Variants in GALNT17 observed in about 807,000 individuals in gnomAD.
GALNT17 encodes the protein UDP-GalNAc:polypeptide N-acetylgalactosaminyltransferase-like 3.
In GALNT17, 29 loss-of-function variants were observed where a neutral mutation model predicts 63.7. The ratio of observed to expected loss-of-function variants is 0.46; its 90% CI spans 0.34 to 0.62. The LOEUF is 0.62. GALNT17 is among the 20% of genes least tolerant of loss of function. GALNT17 has a pLI of 0.01. For synonymous variants in GALNT17, 305 were observed against 318.3 expected, an observed-to-expected ratio of 0.96 and a Z score of 0.45; for missense variants, 603 against 799.6, an observed-to-expected ratio of 0.75 and a Z score of 2.97.
intron 3 of GALNT17, among the ~76,000 whole-genome samples, chr7:71,402,749 T>A (rs1368728468): frequency 6.7e-6 from 1 of 149,684 alleles, no homozygotes; most frequent in Non-Finnish European, 1.5e-5. Flanking sequence ...TTTGGAGAAG[T>A]CACACTGGCA....
intron 5 of GALNT17, among the ~76,000 whole-genome samples, chr7:71,497,040 T>C (rs1270596021): frequency 1.3e-5 from 2 of 152,170 alleles, no homozygotes; most frequent in African/African-American, 4.8e-5. Context: ...ATCAAGCCAC[T>C]GGTGACACAG....
intron 1 of GALNT17, among the ~76,000 whole-genome samples, chr7:71,303,614 A>G (rs1012181064): frequency 5.9e-5 from 9 of 152,206 alleles, no homozygotes; most frequent in African/African-American, 2.2e-4. Flanking sequence ...TTTTTGTTTA[A>G]TACAGTGATT....
intron 6 of GALNT17, among the ~76,000 whole-genome samples, chr7:71,651,381 C>T (rs748953759): frequency 1.1e-4 from 16 of 151,538 alleles, no homozygotes; most frequent in Admixed American, 3.3e-4. Context: ...CGGCTCACTG[C>T]AACCTCTGCC....
At chr7:71,484,693 A>C (rs1787880444) in intron 5 of GALNT17, among the ~76,000 whole-genome samples, 2 of 151,926 alleles carry the variant, frequency 1.3e-5, no homozygotes, top group South Asian at 4.1e-4. Context: ...ATCTGTCATT[A>C]ACCCAAACTT....
intron 5 of GALNT17, among the ~76,000 whole-genome samples, chr7:71,542,318 T>G (rs1482267365): frequency 6.6e-6 from 1 of 152,134 alleles, no homozygotes; most frequent in Non-Finnish European, 1.5e-5. Context: ...AAGTATTAAC[T>G]GTTGCATTTA....
At chr7:71,329,491 A>G (rs1252624642) in intron 1 of GALNT17, among the ~76,000 whole-genome samples, 2 of 152,098 alleles carry the variant, frequency 1.3e-5, no homozygotes, top group Non-Finnish European at 2.9e-5. Context: ...TCCTACTGCT[A>G]TTAAAAACTA....
At chr7:71,701,774 T>C (rs1236562333) in intron 9 of GALNT17, among the ~76,000 whole-genome samples, 6 of 102,892 alleles carry the variant, frequency 5.8e-5, no homozygotes, top group Non-Finnish European at 7.3e-5. Flanking sequence ...TGTATATATA[T>C]GTGTGTGTGT....
chr7:71,677,446 A>G (rs541440120), intron 9 of GALNT17, 140 bp downstream of exon 9: 4 of 763,696 alleles, frequency 5.2e-6, no homozygotes, highest in South Asian at 1.8e-5. Flanking sequence ...AGAAGAAGGT[A>G]GGAGTCTTTC....
chr7:71,180,219 G>A (rs907019509), intron 1 of GALNT17, among the ~76,000 whole-genome samples: 5 of 151,804 alleles, frequency 3.3e-5, no homozygotes, highest in African/African-American at 1.2e-4. Context: ...TCTGCCTCCC[G>A]GGTTCAGTCG....
At chr7:71,521,477 A>T (rs1189281656) in intron 5 of GALNT17, among the ~76,000 whole-genome samples, 2 of 152,178 alleles carry the variant, frequency 1.3e-5, no homozygotes, top group African/African-American at 2.4e-5. Flanking sequence ...CTTTGTATTA[A>T]CTATTGCAAT....
At chr7:71,162,107 TCCTCCCTC>T (rs1246321851) in intron 1 of GALNT17, among the ~76,000 whole-genome samples, 1 of 73,382 alleles carries the variant, frequency 1.4e-5, no homozygotes, top group Non-Finnish European at 2.4e-5. Context: ...CTCCCTTCCT[TCCTCCCTC>T]CCTCCCTCCC....
intron 5 of GALNT17, among the ~76,000 whole-genome samples, chr7:71,456,551 A>C (rs1372336346): frequency 6.6e-6 from 1 of 152,006 alleles, no homozygotes; most frequent in Non-Finnish European, 1.5e-5. Flanking sequence ...CCCTGTCTCT[A>C]CTAAAAATAC....
intron 1 of GALNT17, among the ~76,000 whole-genome samples, chr7:71,164,904 C>G (rs1788409684): frequency 1.3e-5 from 2 of 152,154 alleles, no homozygotes; most frequent in African/African-American, 4.8e-5. Context: ...TTGAAGTCAT[C>G]TTCTCTAAGA....
rs964696973 is a variant in GALNT17 at position 71,428,329 on chromosome 7, T to A, written c.962+7224T>A. ...ATTTGCCTATTTTGGACATTTCATA[T>A]AAGTGGAGTCCTGCAGAATGTGGCT... is the stretch of plus-strand genomic sequence containing the variant. On this transcript the variant is annotated intron_variant, in intron 5 of 10. Coordinates refer to ENST00000333538, the MANE Select transcript of GALNT17 (RefSeq NM_022479.3). Among the ~76,000 whole-genome samples, 3 of 152,292 alleles carry A rather than the reference T, an allele frequency of 2.0e-5. No homozygotes were observed. The South Asian group carries it at 6.2e-4, about 32-fold the overall frequency.
chr7:71,330,971 G>A (rs915206512), intron 1 of GALNT17, among the ~76,000 whole-genome samples: 12 of 152,106 alleles, frequency 7.9e-5, no homozygotes, highest in Admixed American at 7.9e-4. Context: ...TGTCCTGATG[G>A]CAGTGAGGTT....
intron 1 of GALNT17, among the ~76,000 whole-genome samples, chr7:71,261,657 A>AG (rs1285864354): frequency 8.6e-5 from 13 of 151,984 alleles, no homozygotes; most frequent in Admixed American, 8.5e-4. Context: ...TGAATCCCTG[A>AG]GGTAGTGCCT....
intron 6 of GALNT17, among the ~76,000 whole-genome samples, chr7:71,630,394 C>A (rs922137609): frequency 6.6e-6 from 1 of 152,184 alleles, no homozygotes; most frequent in Admixed American, 6.5e-5. Context: ...TGCCCTAACA[C>A]ACCCATAAGG....
intron 6 of GALNT17, among the ~76,000 whole-genome samples, chr7:71,614,784 G>T (rs1790174923): frequency 6.7e-6 from 1 of 149,536 alleles, no homozygotes; most frequent in African/African-American, 2.5e-5. Flanking sequence ...CAGAGAAAGA[G>T]AAACAGAGAA....
intron 5 of GALNT17, among the ~76,000 whole-genome samples, chr7:71,441,622 G>A (rs1266552643): frequency 6.6e-6 from 1 of 152,100 alleles, no homozygotes; most frequent in Admixed American, 6.6e-5. Flanking sequence ...TTGTCCTAAT[G>A]CTCTCCCTCC....
Sources: allele counts gnomAD v4.1 joint callset (sites outside exome capture counted in the v4.1 genomes callset), GRCh38; gene constraint gnomAD v4.1.1; transcripts MANE v1.5; gene names NCBI Gene and HGNC (gene_info 2026-07-23, HGNC 2026-07-21).